BIRC6: variants seen among roughly 807,000 people sequenced by gnomAD.
The protein encoded by BIRC6 is dual E2 ubiquitin-conjugating enzyme/E3 ubiquitin-protein ligase BIRC6.
In BIRC6, 98 loss-of-function variants were observed where a neutral mutation model predicts 503.3. The observed-to-expected ratio is 0.19, with a 90% CI of 0.17 to 0.23. The LOEUF (loss-of-function observed/expected upper bound fraction) is 0.23, where lower values mean the gene tolerates loss of function less well. Among genes scored for constraint, BIRC6 ranks in the 10% least tolerant of loss-of-function variants. The pLI, the probability that BIRC6 is intolerant of heterozygous loss-of-function variation, is 1.00. For missense variants in BIRC6, 5,360 were observed against 5,806.0 expected, an observed-to-expected ratio of 0.92 and a Z score of 2.50; for synonymous variants, 2,240 against 2,078.7, an observed-to-expected ratio of 1.08 and a Z score of -2.11.
At chr2:32,407,596 T>C (rs17011947) in intron 9 of BIRC6, among the ~76,000 whole-genome samples, 12,505 of 152,204 alleles carry the variant, frequency 0.082, 637 homozygotes, top group Admixed American at 0.16. Context: ...CATATATAAC[T>C]TAAATCTTTT....
chr2:32,556,592 AT>A (rs1572988923), intron 65 of BIRC6, among the ~76,000 whole-genome samples: 1 of 152,020 alleles, frequency 6.6e-6, no homozygotes, highest in East Asian at 1.9e-4. Context: ...TGCCAGTTGT[AT>A]TTCCGCTATA....
chr2:32,548,364 A>ATT (rs1491147471), intron 64 of BIRC6, among the ~76,000 whole-genome samples: 68 of 68,028 alleles, frequency 1.0e-3, no homozygotes, highest in South Asian at 2.2e-3. Flanking sequence ...TTGGTTGCTT[A>ATT]CTTTTTTTTT....
At chr2:32,538,734 C>G (rs536445604) in intron 61 of BIRC6, among the ~76,000 whole-genome samples, 84 of 152,314 alleles carry the variant, frequency 5.5e-4, no homozygotes, top group Admixed American at 1.4e-3. Flanking sequence ...AGTTCAAGAC[C>G]AGCCTGGCCA....
rs146191985 is a variant in BIRC6, at chr2:32,575,479, C to T, written c.13355+113C>T. 1.8e-4 allele frequency: 177 copies of T among 990,452 alleles called. No individual in the cohort carries two copies. The East Asian group carries it at 4.4e-3, about 24-fold the overall frequency. The allele number at this position is 990,452 out of a possible 1,614,324, so 61.4% of individuals were successfully genotyped here. On this transcript the variant is annotated intron_variant, in intron 66 of 73. Coordinates refer to ENST00000421745, the MANE Select transcript of BIRC6 (RefSeq NM_016252.4). Reference sequence around the variant, plus strand: ...ATGTGCTTTTTAAAAGCATATACACCCTCGGCTGGGTGCGGTGGCTCACAC... The same window carrying T: ...ATGTGCTTTTTAAAAGCATATACACTCTCGGCTGGGTGCGGTGGCTCACAC...
At chr2:32,613,231 C>T (rs1572412374) in intron 73 of BIRC6, among the ~76,000 whole-genome samples, 1 of 151,968 alleles carries the variant, frequency 6.6e-6, no homozygotes. Context: ...CACTGTCTCT[C>T]TCTGCCACTC....
At chr2:32,379,387 T>G (rs1437685018) in intron 2 of BIRC6, 1 of 152,236 alleles carries the variant, frequency 6.6e-6, no homozygotes, top group Non-Finnish European at 1.5e-5. Context: ...AACAAACAAT[T>G]AAAGAATTAC....
chr2:32,391,544 G>A (rs563214046), intron 4 of BIRC6, among the ~76,000 whole-genome samples: 1 of 152,298 alleles, frequency 6.6e-6, no homozygotes, highest in Non-Finnish European at 1.5e-5. Context: ...AGAAAATCAT[G>A]TGCTAATTTA....
At chr2:32,546,632 A>G (rs575440280) in intron 63 of BIRC6, among the ~76,000 whole-genome samples, 2 of 152,290 alleles carry the variant, frequency 1.3e-5, no homozygotes, top group East Asian at 3.9e-4. Context: ...TGAGTTTATT[A>G]ATAATACATC....
rs750858796 is a variant in BIRC6, at chr2:32,380,252, A to G, written c.607A>G (p.Thr203Ala). The G allele has an allele frequency of 6.2e-7, 1 of 1,609,600 alleles. No individual in the cohort carries two copies. The highest frequency in any genetic ancestry group is 8.5e-7 in the Non-Finnish European group (1 of 1,178,736). Residue 203 changes from threonine to alanine, a missense_variant, in exon 3 of 74, where the codon ACA (threonine) becomes GCA (alanine). Physicochemically the swap from Thr to Ala is moderately conservative, Grantham distance 58 (BLOSUM62 0). Around this residue, in one of 16 missense-constraint regions of BIRC6, gnomAD observed 134 missense variants for 150.9 expected, o/e 0.89. Coordinates refer to ENST00000421745, the MANE Select transcript of BIRC6 (RefSeq NM_016252.4). ...ACAGCTCAAAGATGGTTTAAAAAAT[A>G]CATCTCATGAGACTGCAGCAAACCA... ...ITQLKDGLKN[T>A]SHETAANHKV...
Position 32,450,337 on chromosome 2 carries a change from A to G in BIRC6, c.4618+1409A>G, listed in dbSNP as rs539107472. Among the ~76,000 whole-genome samples, 18 of 152,138 alleles carry G rather than the reference A, an allele frequency of 1.2e-4. No homozygotes were observed. The East Asian group carries it at 3.5e-3, about 29-fold the overall frequency. The stretch of plus-strand genomic sequence containing the variant: ...ACTAAAAATGCCAAAAAATTAGCCA[A>G]ATGCGGTGATGGGCACCTGTAGGCT... On this transcript the variant is annotated intron_variant, in intron 22 of 73. Coordinates refer to ENST00000421745, the MANE Select transcript of BIRC6 (RefSeq NM_016252.4).
chr2:32,606,454 T>G (rs1380455967), intron 71 of BIRC6, among the ~76,000 whole-genome samples: 1 of 151,688 alleles, frequency 6.6e-6, no homozygotes, highest in Non-Finnish European at 1.5e-5. Context: ...TTAGCCCTGC[T>G]TGGTGATGCA....
chr2:32,423,208 G>C (rs2150152443), intron 10 of BIRC6, among the ~76,000 whole-genome samples: 1 of 152,322 alleles, frequency 6.6e-6, no homozygotes, highest in East Asian at 1.9e-4. Context: ...GGGATTACAG[G>C]CGTGACCCAC....
chr2:32,464,643 T>C lies in BIRC6; in HGVS notation c.5076T>C (p.Asp1692=). 6.2e-7 allele frequency: 1 copy of C among 1,614,004 alleles called. No homozygotes were observed. ...CTGGATTCTTCATTCATCCATCTGA[T>C]GTTATTCCACCCACTCCAAAAACAA... is the stretch of plus-strand genomic sequence containing the variant. ...AAPGFFIHPS[D]VIPPTPKTTP... Residue 1692 remains aspartate (D), a synonymous_variant, in exon 25 of 74, where the codon GAT becomes GAC. Transcript: ENST00000421745.
In BIRC6 at chr2:32,504,220, TA is replaced by T. The variant is rs1298857215; in HGVS notation, c.9500-781del. ...GGCCTTAAAGTAGTACTATCTTTTT[TA>T]AAAGTTTTGAATTTAGGTATTTACT... On this transcript the variant is annotated intron_variant, in intron 49 of 73. Coordinates refer to ENST00000421745, the MANE Select transcript of BIRC6 (RefSeq NM_016252.4). Among the ~76,000 whole-genome samples, 3 of 152,144 alleles carry T rather than the reference TA, an allele frequency of 2.0e-5. No homozygotes were observed. The East Asian group carries it at 5.8e-4, about 29-fold the overall frequency.
intron 37 of BIRC6, among the ~76,000 whole-genome samples, chr2:32,480,620 G>GTTT (rs2050278474): frequency 1.2e-5 from 1 of 80,864 alleles, no homozygotes; most frequent in Non-Finnish European, 2.4e-5. Context: ...AAGGTAAATG[G>GTTT]CTTTTTTTTT....
chr2:32,519,375 G>A (rs747807672), intron 57 of BIRC6, among the ~76,000 whole-genome samples: 8 of 152,278 alleles, frequency 5.3e-5, no homozygotes, highest in African/African-American at 9.6e-5. Flanking sequence ...ATTGTTTATC[G>A]TAGTCAGTGA....
At chr2:32,508,283 T>TTTTC in intron 51 of BIRC6, 24 bp downstream of exon 51, 1 of 1,047,162 alleles carries the variant, frequency 9.5e-7, no homozygotes, top group Non-Finnish European at 1.3e-6. Flanking sequence ...GTCCTTTTTT[T>TTTTC]TTTTTTTTTT....
At chr2:32,466,992 G>A (rs1387424206) in intron 26 of BIRC6, among the ~76,000 whole-genome samples, 5 of 151,952 alleles carry the variant, frequency 3.3e-5, no homozygotes, top group African/African-American at 7.3e-5. Context: ...GGCAGCGGGC[G>A]CCTGTAGTGC....
intron 3 of BIRC6, among the ~76,000 whole-genome samples, chr2:32,386,442 C>CTTT (rs752857568): frequency 2.0e-5 from 3 of 147,818 alleles, no homozygotes; most frequent in Non-Finnish European, 1.5e-5. Flanking sequence ...AAGTCTCTCT[C>CTTT]TCTTTTTTTT....
Sources: gnomAD v4.1 joint callset for allele counts (sites outside exome capture counted in the v4.1 genomes callset) on GRCh38, gnomAD v4.1.1 for gene constraint, gnomAD v4.1.1 regional missense constraint, MANE v1.5 for transcripts, NCBI Gene and HGNC (gene_info 2026-07-23, HGNC 2026-07-21) for gene names.